UBE2E2: variants seen among roughly 807,000 people sequenced by gnomAD.
UBE2E2 encodes the protein ubiquitin conjugating enzyme E2 E2.
A neutral mutation model predicts 24.7 loss-of-function variants in UBE2E2; 6 were observed. That is an observed-to-expected ratio of 0.24 (90% CI 0.13 to 0.48). UBE2E2 has a LOEUF of 0.48. UBE2E2 is among the 20% of genes least tolerant of loss of function. UBE2E2 has a pLI of 0.99. For synonymous variants in UBE2E2, 104 were observed against 83.6 expected (o/e 1.24, Z -1.33); for missense variants, 169 against 245.0 (o/e 0.69, Z 2.07).
intron 3 of UBE2E2, among the ~76,000 whole-genome samples, chr3:23,233,146 G>A (rs953845828): frequency 1.3e-5 from 2 of 152,214 alleles, no homozygotes; most frequent in African/African-American, 2.4e-5. Context: ...GCCTGAGCCT[G>A]TAGGGGAAAA....
chr3:23,571,573 C>A (rs2125512701), intron 5 of UBE2E2, among the ~76,000 whole-genome samples: 1 of 152,106 alleles, frequency 6.6e-6, no homozygotes, highest in Admixed American at 6.5e-5. Context: ...CAGGCGTGAG[C>A]CATCACGCCC....
At position 23,417,266 on chromosome 3, in the gene UBE2E2, C is replaced by T. The variant is rs1186059953; in HGVS notation, c.228-82342C>T. Among the ~76,000 whole-genome samples the T allele has an allele frequency of 2.0e-5, 3 of 152,168 alleles. No individual in the cohort carries two copies. The East Asian group carries it at 5.8e-4, about 29-fold the overall frequency. Reference sequence around the variant, plus strand: ...GACGTCCTTTTCGTTGATGTTGATGCTATTCCTTTCTGTTTGTTCATTTTC... The same window carrying T: ...GACGTCCTTTTCGTTGATGTTGATGTTATTCCTTTCTGTTTGTTCATTTTC... On this transcript the variant is annotated intron_variant, in intron 3 of 5. Coordinates refer to ENST00000396703, the MANE Select transcript of UBE2E2 (RefSeq NM_152653.4).
chr3:23,442,906 C>A (rs1698338535), intron 3 of UBE2E2, among the ~76,000 whole-genome samples: 1 of 152,096 alleles, frequency 6.6e-6, no homozygotes, highest in Admixed American at 6.5e-5. Flanking sequence ...ATTTAATTTT[C>A]TTTGATAATA....
chr3:23,228,470 C>T (rs886799000), intron 3 of UBE2E2, among the ~76,000 whole-genome samples: 2 of 152,074 alleles, frequency 1.3e-5, no homozygotes, highest in African/African-American at 4.8e-5. Context: ...AATTCCCATA[C>T]CCCTTTTATC....
At chr3:23,372,866 T>A (rs1203968569) in intron 3 of UBE2E2, among the ~76,000 whole-genome samples, 1 of 152,238 alleles carries the variant, frequency 6.6e-6, no homozygotes, top group African/African-American at 2.4e-5. Flanking sequence ...TAGCTAGCCA[T>A]GGACAGAGAC....
At chr3:23,579,701 TA>T (rs557538648) in intron 5 of UBE2E2, among the ~76,000 whole-genome samples, 11 of 147,904 alleles carry the variant, frequency 7.4e-5, no homozygotes, top group East Asian at 2.0e-4. Context: ...CCCTGTCTCT[TA>T]AAAAAAAAAG....
intron 3 of UBE2E2, among the ~76,000 whole-genome samples, chr3:23,319,867 A>T (rs1187391702): frequency 6.6e-6 from 1 of 151,948 alleles, no homozygotes; most frequent in Non-Finnish European, 1.5e-5. Flanking sequence ...AAAAACCAAA[A>T]AACAACTATC....
chr3:23,485,439 G>T (rs2125445238), intron 3 of UBE2E2, among the ~76,000 whole-genome samples: 1 of 152,072 alleles, frequency 6.6e-6, no homozygotes, highest in Non-Finnish European at 1.5e-5. Flanking sequence ...ATCTTTTATT[G>T]TTGGATTATT....
chr3:23,521,322 A>G (rs965907689), intron 4 of UBE2E2, among the ~76,000 whole-genome samples: 4 of 152,220 alleles, frequency 2.6e-5, no homozygotes, highest in African/African-American at 9.6e-5. Context: ...TTAAACAGCA[A>G]GTGTGATATG....
intron 5 of UBE2E2, among the ~76,000 whole-genome samples, chr3:23,536,741 A>G (rs1695273236): frequency 6.6e-6 from 1 of 152,236 alleles, no homozygotes; most frequent in Admixed American, 6.5e-5. Context: ...GGGGAGGAAT[A>G]TGGAAGATAC....
At chr3:23,550,750 G>A (rs988874108) in intron 5 of UBE2E2, among the ~76,000 whole-genome samples, 1 of 152,134 alleles carries the variant, frequency 6.6e-6, no homozygotes, top group Non-Finnish European at 1.5e-5. Context: ...CAGTTTCCAG[G>A]ATACTGTACA....
intron 3 of UBE2E2, among the ~76,000 whole-genome samples, chr3:23,307,413 A>G (rs1699266896): frequency 1.3e-5 from 2 of 152,060 alleles, no homozygotes; most frequent in South Asian, 4.1e-4. Context: ...CCAGCTTCCA[A>G]AGTTTATTGC....
rs73821299 is a variant in UBE2E2 at position 23,231,761 on chromosome 3, A to T, written c.227+14449A>T. On this transcript the variant is annotated intron_variant, in intron 3 of 5. Transcript: ENST00000396703. Reference sequence around the variant, plus strand: ...CAAACCCCATCTTTGGGTTTGTTTGATTAACTAGAGTGCTCACAGAACTCA... The same window carrying T: ...CAAACCCCATCTTTGGGTTTGTTTGTTTAACTAGAGTGCTCACAGAACTCA... 5.1e-3 allele frequency among the ~76,000 whole-genome samples: 774 copies of T among 152,294 alleles called. 7 individuals carry two copies. The highest frequency in any genetic ancestry group is 0.017 in the African/African-American group (722 of 41,554).
intron 3 of UBE2E2, among the ~76,000 whole-genome samples, chr3:23,304,285 A>C (rs1261343336): frequency 6.6e-6 from 1 of 152,192 alleles, no homozygotes; most frequent in East Asian, 1.9e-4. Context: ...TTAAGTTTTG[A>C]TGTCAAAAAC....
chr3:23,458,212 T>C (rs1314847277), intron 3 of UBE2E2, among the ~76,000 whole-genome samples: 1 of 151,932 alleles, frequency 6.6e-6, no homozygotes, highest in African/African-American at 2.4e-5. Flanking sequence ...CTAATTTCAG[T>C]ATTGTTGCGT....
At chr3:23,219,031 C>T (rs1272715165) in intron 3 of UBE2E2, among the ~76,000 whole-genome samples, 3 of 152,106 alleles carry the variant, frequency 2.0e-5, no homozygotes, top group Non-Finnish European at 2.9e-5. Context: ...GCCCTTCAAA[C>T]AGTTTCAGGG....
At chr3:23,486,468 A>C (rs1248725124) in intron 3 of UBE2E2, among the ~76,000 whole-genome samples, 1 of 152,056 alleles carries the variant, frequency 6.6e-6, no homozygotes. Context: ...CAGCATGGCA[A>C]ATGGAGGAAA....
chr3:23,535,162 C>A (rs1165814755), intron 5 of UBE2E2, among the ~76,000 whole-genome samples: 1 of 152,202 alleles, frequency 6.6e-6, no homozygotes, highest in Non-Finnish European at 1.5e-5. Flanking sequence ...TAACTTTCCA[C>A]AGGCTTAGTT....
At position 23,491,483 on chromosome 3, in the gene UBE2E2, A is replaced by C. The variant is rs767382216; in HGVS notation, c.228-8125A>C. Among the ~76,000 whole-genome samples, 27 of 152,354 alleles carry C rather than the reference A, an allele frequency of 1.8e-4. 1 individual carries two copies. Among genetic ancestry groups the C allele is most frequent in the Non-Finnish European group, 1.3e-4 (9 of 68,040 alleles). ...TAGGGGATCAGAAAGGTTGCAGCCA[A>C]GTTAAGAACTAGGGGTCAAATAGAA... On this transcript the variant is annotated intron_variant, in intron 3 of 5. Transcript: ENST00000396703.
Sources: gnomAD v4.1 joint callset for allele counts (sites outside exome capture counted in the v4.1 genomes callset) on GRCh38, gnomAD v4.1.1 for gene constraint, MANE v1.5 for transcripts, NCBI Gene and HGNC (gene_info 2026-07-23, HGNC 2026-07-21) for gene names.